WDR86: variants seen among roughly 807,000 people sequenced by gnomAD.
The protein encoded by WDR86 is WD repeat-containing protein 86.
Under a neutral mutation model 36.5 loss-of-function variants are expected in WDR86, and 30 were observed. The ratio of observed to expected loss-of-function variants is 0.82; its 90% CI spans 0.61 to 1.11. The LOEUF (loss-of-function observed/expected upper bound fraction) is 1.11, where lower values mean the gene tolerates loss of function less well. Among genes scored for constraint, WDR86 ranks in the 50% most tolerant of loss-of-function variants. The pLI is 0.00. For synonymous variants in WDR86, 255 were observed against 252.9 expected (o/e 1.01, Z -0.08); for missense variants, 545 against 561.2 (o/e 0.97, Z 0.29).
downstream of WDR86, chr7:151,376,513 G>A: frequency 1.1e-6 from 1 of 925,268 alleles, no homozygotes; most frequent in South Asian, 1.8e-5. Flanking sequence ...GTGCACAAAG[G>A]GCCATGGTGC....
At chr7:151,371,397 A>T (rs1432473935), downstream of WDR86, among the ~76,000 whole-genome samples, 1 of 112,836 alleles carries the variant, frequency 8.9e-6, no homozygotes, top group Non-Finnish European at 1.7e-5. Flanking sequence ...TCATCCAGTC[A>T]CAACAAGGGC....
chr7:151,369,012 C>A, the WDR86 span: 1 of 1,001,458 alleles, frequency 1.0e-6, no homozygotes, highest in Non-Finnish European at 1.4e-6. Flanking sequence ...GAAACTTGTC[C>A]TTTTTTTTTT....
chr7:151,369,988 C>A, the WDR86 span, among the ~76,000 whole-genome samples: 9 of 152,208 alleles, frequency 5.9e-5, no homozygotes, highest in Middle Eastern at 3.2e-3. Context: ...TTTTACAACA[C>A]CAGCTGTGGT....
Position 151,409,854 on chromosome 7 carries a change from A to G in WDR86, c.-265T>C, listed in dbSNP as rs1801082790. ...TGGGTAGAGTCCTGGGCGCGCGGGC[A>G]GAGAGAACCCCCTTCCCAGCACCGC... On this transcript the variant is annotated 5_prime_UTR_variant, in exon 1 of 6. Coordinates refer to ENST00000334493, the MANE Select transcript of WDR86 (RefSeq NM_198285.3). This position sits in a 1 kb window ranked among gnomAD's most constrained non-coding sequence, Gnocchi z 5.2. 4 of 1,213,588 alleles carry G rather than the reference A, an allele frequency of 3.3e-6. No individual in the cohort carries two copies. The highest frequency in any genetic ancestry group is 2.0e-6 in the Non-Finnish European group (2 of 976,846). 75.2% of individuals were successfully genotyped at this position (1,213,588 alleles called of 1,614,324 possible). A position where few individuals can be genotyped will look rare whatever the true frequency, so the allele number is the denominator to read the frequency against.
chr7:151,394,110 G>A (rs1799635722), intron 3 of WDR86, among the ~76,000 whole-genome samples: 1 of 152,080 alleles, frequency 6.6e-6, no homozygotes, highest in South Asian at 2.1e-4. Context: ...CCGGACTGCT[G>A]TGCCCCTTCC....
chr7:151,402,677 C>T (rs934006828), intron 1 of WDR86, among the ~76,000 whole-genome samples: 8 of 152,258 alleles, frequency 5.3e-5, no homozygotes, highest in East Asian at 3.9e-4. Flanking sequence ...CTGATGAGGC[C>T]GGGATGTGGC....
chr7:151,381,772 C>T lies in WDR86; in HGVS notation c.967-26G>A. The T allele has an allele frequency of 6.7e-7, 1 of 1,491,564 alleles. No homozygotes were observed. The highest frequency in any genetic ancestry group is 8.9e-7 in the Non-Finnish European group (1 of 1,120,338). The allele number at this position is 1,491,564 out of a possible 1,614,324, so 92.4% of individuals were successfully genotyped here. A position where few individuals can be genotyped will look rare whatever the true frequency, so the allele number is the denominator to read the frequency against. On this transcript the variant is annotated intron_variant, in intron 5 of 5. Coordinates refer to ENST00000334493, the MANE Select transcript of WDR86 (RefSeq NM_198285.3). This position sits in a 1 kb window ranked among gnomAD's most constrained non-coding sequence, Gnocchi z 4.8. The stretch of plus-strand genomic sequence containing the variant: ...CTGCGGGCGCAGGGGCGGGCGTCAC[C>T]GGTGACGCGGTAGGCGGGGGGGACA...
chr7:151,371,422 C>T (rs760694280), downstream of WDR86, among the ~76,000 whole-genome samples: 4 of 136,846 alleles, frequency 2.9e-5, no homozygotes, highest in Non-Finnish European at 6.1e-5. Context: ...ATCTGTGTCC[C>T]AGAATCCTCA....
At chr7:151,398,846 G>A (rs1463891952) in intron 2 of WDR86, among the ~76,000 whole-genome samples, 1 of 152,204 alleles carries the variant, frequency 6.6e-6, no homozygotes, top group African/African-American at 2.4e-5. Context: ...GGGCCCACTG[G>A]TCACTGCAGG....
intron 4 of WDR86, among the ~76,000 whole-genome samples, chr7:151,384,623 C>T (rs747713236): frequency 2.4e-4 from 36 of 152,202 alleles, no homozygotes; most frequent in Non-Finnish European, 4.4e-4. Flanking sequence ...CCATTCCAGC[C>T]GAGACCACCA....
chr7:151,400,981 G>A (rs1450198122), intron 1 of WDR86, among the ~76,000 whole-genome samples: 1 of 152,216 alleles, frequency 6.6e-6, no homozygotes, highest in Non-Finnish European at 1.5e-5. Context: ...CCTGGATGGA[G>A]ATTTAAGATG....
At chr7:151,369,968 G>T in the WDR86 span, among the ~76,000 whole-genome samples, 2 of 152,192 alleles carry the variant, frequency 1.3e-5, no homozygotes, top group Non-Finnish European at 2.9e-5. Context: ...AGCAGTCACA[G>T]GGTTTCTCCT....
rs1417689306 is a variant in WDR86, at chr7:151,381,606, G to C, written c.1107C>G (p.Ala369=). 1.5e-6 allele frequency: 2 copies of C among 1,371,600 alleles called. No homozygotes were observed. The highest frequency in any genetic ancestry group is 1.9e-6 in the Non-Finnish European group (2 of 1,072,654). 85.0% of individuals were successfully genotyped at this position (1,371,600 alleles called of 1,614,324 possible). The change falls in exon 6 of 6, where the codon GCC becomes GCG. Residue 369 remains alanine, a synonymous_variant. Transcript: ENST00000334493. The surrounding 1 kb of genome is among the most constrained non-coding windows in gnomAD (Gnocchi z 4.8). ...ATCAGGCCGGCTGCAGGGGCGCGGC[G>C]GCGCAGCCCACCTTGTTGCTGAAGA... ...SRLFSNKVGC[A]AAPLQPA
downstream of WDR86, chr7:151,381,091 A>C: frequency 8.6e-7 from 1 of 1,168,950 alleles, no homozygotes; most frequent in South Asian, 4.4e-5. The surrounding 1 kb of genome is among the most constrained non-coding windows in gnomAD (Gnocchi z 4.8). Context: ...GCTGAGACTC[A>C]GTTTGCAAAA....
At chr7:151,394,738 C>T (rs1223952189) in intron 3 of WDR86, among the ~76,000 whole-genome samples, 3 of 152,240 alleles carry the variant, frequency 2.0e-5, no homozygotes, top group African/African-American at 7.2e-5. Context: ...CACAAGCCCA[C>T]GGACGGGGCA....
At position 151,381,561 on chromosome 7, in the gene WDR86, G is replaced by T; in HGVS notation, c.*21C>A. 3 of 1,379,708 alleles carry T rather than the reference G, an allele frequency of 2.2e-6. No individual in the cohort carries two copies. The highest frequency in any genetic ancestry group is 2.8e-6 in the Non-Finnish European group (3 of 1,077,996). 85.5% of individuals were successfully genotyped at this position (1,379,708 alleles called of 1,614,324 possible). ...GGAGCCGCTGGGTGTCTGGGCTGGCGTCTGCAGGGGCCCCGCGGGATCAGG... is the reference window on the plus strand; with the variant it reads ...GGAGCCGCTGGGTGTCTGGGCTGGCTTCTGCAGGGGCCCCGCGGGATCAGG... On this transcript the variant is annotated 3_prime_UTR_variant, in exon 6 of 6. Transcript: ENST00000334493. The surrounding 1 kb of genome is among the most constrained non-coding windows in gnomAD (Gnocchi z 4.8).
chr7:151,402,793 A>G (rs532886077), intron 1 of WDR86, among the ~76,000 whole-genome samples: 1 of 152,284 alleles, frequency 6.6e-6, no homozygotes, highest in Non-Finnish European at 1.5e-5. Flanking sequence ...GTGCAGTTAG[A>G]TAGCTTGACT....
intron 1 of WDR86, among the ~76,000 whole-genome samples, chr7:151,402,091 A>ATATCTC (rs1365492180): frequency 6.4e-5 from 8 of 124,196 alleles, no homozygotes; most frequent in African/African-American, 9.7e-5. Flanking sequence ...ATATATATAT[A>ATATCTC]TCTCCACAAA....
At position 151,390,264 on chromosome 7, in the gene WDR86, C is replaced by T. The variant is rs909762084; in HGVS notation, c.727-5041G>A. Reference sequence around the variant, plus strand: ...AACGACAGAGCTCTCCCCGTGAAAACAGACCAAGCCCAGAGCTCACTGCAC... The same window carrying T: ...AACGACAGAGCTCTCCCCGTGAAAATAGACCAAGCCCAGAGCTCACTGCAC... On this transcript the variant is annotated intron_variant, in intron 3 of 5. Coordinates refer to ENST00000334493, the MANE Select transcript of WDR86 (RefSeq NM_198285.3). This position sits in a 1 kb window ranked among gnomAD's most constrained non-coding sequence, Gnocchi z 4.5. 1.1e-4 allele frequency among the ~76,000 whole-genome samples: 16 copies of T among 152,168 alleles called. No homozygotes were observed. The highest frequency in any genetic ancestry group is 3.9e-4 in the African/African-American group (16 of 41,434).
Sources: allele counts gnomAD v4.1 joint callset (sites outside exome capture counted in the v4.1 genomes callset), GRCh38; gene constraint gnomAD v4.1.1; non-coding constraint Gnocchi (gnomAD v3.1); transcripts MANE v1.5; gene names NCBI Gene and HGNC (gene_info 2026-07-23, HGNC 2026-07-21).